CDH13: variants seen among roughly 807,000 people sequenced by gnomAD.
The protein encoded by CDH13 is cadherin 13, also known as cadherin-13.
CDH13 carries 24 observed loss-of-function variants against 63.8 expected under a neutral mutation model. The ratio of observed to expected loss-of-function variants is 0.38; its 90% CI spans 0.27 to 0.53. The LOEUF is 0.53. CDH13 is among the 20% of genes least tolerant of loss of function. The pLI is 0.85. For synonymous variants in CDH13, 503 were observed against 355.3 expected (o/e 1.42, Z -4.67); for missense variants, 1,049 against 903.1 (o/e 1.16, Z -2.07).
chr16:83,002,045 G>A (rs553507976), intron 2 of CDH13, among the ~76,000 whole-genome samples: 7 of 152,302 alleles, frequency 4.6e-5, no homozygotes, highest in African/African-American at 1.2e-4. Flanking sequence ...GCACTTCAAC[G>A]TGCCATACTG....
intron 6 of CDH13, among the ~76,000 whole-genome samples, chr16:83,435,307 G>T (rs1178112817): frequency 1.3e-5 from 2 of 152,090 alleles, no homozygotes; most frequent in African/African-American, 4.8e-5. Context: ...GCCTCCCAAA[G>T]GGCTGGGATT....
At chr16:83,437,689 T>C (rs970049083) in intron 6 of CDH13, among the ~76,000 whole-genome samples, 4 of 151,580 alleles carry the variant, frequency 2.6e-5, no homozygotes, top group South Asian at 2.1e-4. Flanking sequence ...AAAAATTAAA[T>C]TAAAAAAAAT....
intron 1 of CDH13, among the ~76,000 whole-genome samples, chr16:82,832,511 A>G (rs930900755): frequency 6.6e-6 from 1 of 152,144 alleles, no homozygotes; most frequent in South Asian, 2.1e-4. Context: ...TCTGGATGAA[A>G]ATAAGAAAAT....
chr16:82,862,631 A>G (rs1597832775), intron 2 of CDH13, among the ~76,000 whole-genome samples: 1 of 152,298 alleles, frequency 6.6e-6, no homozygotes, highest in Non-Finnish European at 1.5e-5. Context: ...ACATAGACAC[A>G]TAGGTAGAGA....
At chr16:82,736,537 G>A (rs919456071) in intron 1 of CDH13, among the ~76,000 whole-genome samples, 5 of 152,128 alleles carry the variant, frequency 3.3e-5, no homozygotes, top group African/African-American at 1.2e-4. Context: ...GAGCCATGGG[G>A]CAGCATCCCA....
intron 3 of CDH13, among the ~76,000 whole-genome samples, chr16:83,090,590 A>G (rs2033856769): frequency 6.7e-6 from 1 of 149,724 alleles, no homozygotes; most frequent in East Asian, 2.0e-4. Flanking sequence ...AAAAAAAAAA[A>G]TAAGTGCTTG....
chr16:82,728,051 C>G (rs1465528604), intron 1 of CDH13, among the ~76,000 whole-genome samples: 1 of 152,182 alleles, frequency 6.6e-6, no homozygotes, highest in Non-Finnish European at 1.5e-5. Context: ...CTTATTATGT[C>G]TGCTTCCTCT....
chr16:82,959,981 C>A (rs1172277408), intron 2 of CDH13, among the ~76,000 whole-genome samples: 1 of 152,132 alleles, frequency 6.6e-6, no homozygotes, highest in Non-Finnish European at 1.5e-5. Flanking sequence ...TTTAAAAAAA[C>A]ATTGCTAAAC....
chr16:83,422,986 A>G (rs2071762180), intron 6 of CDH13, among the ~76,000 whole-genome samples: 1 of 152,204 alleles, frequency 6.6e-6, no homozygotes, highest in African/African-American at 2.4e-5. Flanking sequence ...ACAAAGGTAA[A>G]TTAGACATGC....
At chr16:82,943,571 T>C (rs1370112744) in intron 2 of CDH13, among the ~76,000 whole-genome samples, 5 of 152,204 alleles carry the variant, frequency 3.3e-5, no homozygotes, top group Admixed American at 6.5e-5. Context: ...ACTGATGAGT[T>C]GGCTTTTATT....
chr16:83,119,897 T>C lies in CDH13; in HGVS notation c.367-5488T>C, dbSNP rs72798382. 5.7e-3 allele frequency among the ~76,000 whole-genome samples: 862 copies of C among 152,286 alleles called. 6 individuals are homozygous for C. Among genetic ancestry groups the C allele is most frequent in the Non-Finnish European group, 8.9e-3 (607 of 68,026 alleles). On this transcript the variant is annotated intron_variant, in intron 3 of 13. Coordinates refer to ENST00000567109, the MANE Select transcript of CDH13 (RefSeq NM_001257.5). ...ACACTTGGCCACAAACACATACTTATAGATATACACATAAATCACAGGCAA... is the reference window on the plus strand; with the variant it reads ...ACACTTGGCCACAAACACATACTTACAGATATACACATAAATCACAGGCAA...
At chr16:83,173,964 A>G (rs2038023192) in intron 4 of CDH13, among the ~76,000 whole-genome samples, 1 of 152,116 alleles carries the variant, frequency 6.6e-6, no homozygotes. Context: ...CAAAGCCAGT[A>G]TCACACCAGC....
At chr16:83,542,783 C>T (rs1400553324) in intron 7 of CDH13, among the ~76,000 whole-genome samples, 2 of 152,228 alleles carry the variant, frequency 1.3e-5, no homozygotes, top group African/African-American at 4.8e-5. Flanking sequence ...CTTGTCTGAA[C>T]ATCTGTCTCT....
intron 6 of CDH13, among the ~76,000 whole-genome samples, chr16:83,420,616 A>G (rs1191190862): frequency 6.6e-6 from 1 of 152,200 alleles, no homozygotes; most frequent in Non-Finnish European, 1.5e-5. Context: ...AGAGGGACAG[A>G]GCTAATAGGA....
intron 6 of CDH13, among the ~76,000 whole-genome samples, chr16:83,375,668 G>T (rs967436453): frequency 2.6e-5 from 4 of 152,192 alleles, no homozygotes; most frequent in Non-Finnish European, 5.9e-5. Flanking sequence ...ATGGGGTGAG[G>T]CTAGGGAGAA....
intron 7 of CDH13, among the ~76,000 whole-genome samples, chr16:83,554,157 G>A (rs1004409010): frequency 2.6e-5 from 4 of 151,894 alleles, no homozygotes; most frequent in Non-Finnish European, 5.9e-5. Flanking sequence ...TCTAAACCAG[G>A]GTATAGAAAT....
intron 1 of CDH13, among the ~76,000 whole-genome samples, chr16:82,645,190 A>G (rs913638914): frequency 2.0e-5 from 3 of 152,124 alleles, no homozygotes; most frequent in African/African-American, 7.2e-5. Flanking sequence ...ACCCAGCTCC[A>G]GGACCAACTG....
At chr16:83,736,116 T>G (rs1911515496) in intron 10 of CDH13, among the ~76,000 whole-genome samples, 2 of 152,198 alleles carry the variant, frequency 1.3e-5, no homozygotes, top group Non-Finnish European at 2.9e-5. Flanking sequence ...GTAGCAAATT[T>G]AACCTTAGAC....
At chr16:82,751,264 G>A (rs1018264270) in intron 1 of CDH13, among the ~76,000 whole-genome samples, 34 of 152,308 alleles carry the variant, frequency 2.2e-4, no homozygotes, top group Non-Finnish European at 2.1e-4. Flanking sequence ...GAGGGCCCAT[G>A]CGTGCGAGTT....
Sources: allele counts gnomAD v4.1 joint callset (sites outside exome capture counted in the v4.1 genomes callset), GRCh38; gene constraint gnomAD v4.1.1; transcripts MANE v1.5; gene names NCBI Gene and HGNC (gene_info 2026-07-23, HGNC 2026-07-21).